Variants in DDIAS observed in about 807,000 individuals in gnomAD.
DDIAS encodes the protein DNA damage induced apoptosis suppressor.
A neutral mutation model predicts 15.7 loss-of-function variants in DDIAS; 14 were observed. That is an observed-to-expected ratio of 0.89 (90% confidence interval 0.59 to 1.39). The LOEUF (loss-of-function observed/expected upper bound fraction) is 1.39. Among genes scored for constraint, DDIAS ranks in the 40% most tolerant of loss-of-function variants. The pLI is 0.00. For missense variants in DDIAS, 1,035 were observed against 1,130.9 expected (o/e 0.92, Z 1.22); for synonymous variants, 355 against 395.9 (o/e 0.90, Z 1.23).
intron 5 of DDIAS, among the ~76,000 whole-genome samples, 169 bp from the exon 6 acceptor site, chr11:82,931,563 G>C (rs1457352436): frequency 3.3e-5 from 5 of 151,994 alleles, no homozygotes; most frequent in African/African-American, 1.2e-4. Context: ...TTACCATGTT[G>C]CCCAGTCTGG....
chr11:82,931,865 C>A lies in DDIAS; in HGVS notation c.527C>A (p.Thr176Asn). 6.2e-7 allele frequency: 1 copy of A among 1,614,232 alleles called. No individual in the cohort carries two copies. The highest frequency in any genetic ancestry group is 8.5e-7 in the Non-Finnish European group (1 of 1,180,040). The change falls in exon 6 of 6, where the codon ACT becomes AAT. Residue 176 changes from threonine (T) to asparagine (N), a missense_variant. Coordinates refer to ENST00000533655, the MANE Select transcript of DDIAS (RefSeq NM_145018.4). ...VLPDPGIAGF[T>N]VIDYFHQLLQ... is the part of the protein sequence containing the mutation. Reference sequence around the variant, plus strand: ...CCAGACCCAGGTATTGCAGGCTTTACTGTCATTGACTACTTCCATCAACTT... The same window carrying A: ...CCAGACCCAGGTATTGCAGGCTTTAATGTCATTGACTACTTCCATCAACTT...
In DDIAS at chr11:82,933,317, A is replaced by G. The variant is rs763165206; in HGVS notation, c.1979A>G (p.Asn660Ser). Residue 660 changes from asparagine to serine, a missense_variant, in exon 6 of 6, where the codon AAC (asparagine) becomes AGC (serine). Physicochemically the swap from Asn to Ser is conservative, Grantham distance 46. Transcript: ENST00000533655. ...ATGCCTTGGGGACATATCAATAACA[A>G]CGTAACACAGAGCTATTCTATTGGT... ...KEMPWGHINNNVTQSYSIGYE... is the reference protein window; with the variant it reads ...KEMPWGHINNSVTQSYSIGYE... The G allele has an allele frequency of 2.5e-6, 4 of 1,614,058 alleles. No individual in the cohort carries two copies. Among genetic ancestry groups the G allele is most frequent in the Admixed American group, 1.7e-5 (1 of 60,024 alleles).
intron 3 of DDIAS, among the ~76,000 whole-genome samples, chr11:82,920,815 A>C (rs778192723): frequency 2.6e-5 from 4 of 152,172 alleles, no homozygotes; most frequent in Non-Finnish European, 4.4e-5. Context: ...TCTTGGAGAA[A>C]GTTCCATGTG....
intron 1 of DDIAS, among the ~76,000 whole-genome samples, chr11:82,912,526 G>A (rs190754332): frequency 1.5e-3 from 228 of 152,230 alleles, no homozygotes; most frequent in Non-Finnish European, 2.7e-3. Flanking sequence ...TCATAGAATT[G>A]AAGAGCATTA....
At chr11:82,906,565 G>T (rs1039771093) in intron 1 of DDIAS, among the ~76,000 whole-genome samples, 1 of 152,056 alleles carries the variant, frequency 6.6e-6, no homozygotes, top group African/African-American at 2.4e-5. Flanking sequence ...CCCAGTGTAC[G>T]AGTCATGTTA....
chr11:82,913,985 G>GA, intron 2 of DDIAS: 1 of 429,332 alleles, frequency 2.3e-6, no homozygotes, highest in Non-Finnish European at 4.6e-6. Flanking sequence ...TGCCCAGGCT[G>GA]AAGTGCCATG....
chr11:82,910,606 CTTT>C (rs869173859), intron 1 of DDIAS, among the ~76,000 whole-genome samples: 26 of 89,120 alleles, frequency 2.9e-4, no homozygotes, highest in African/African-American at 1.3e-3. Context: ...CTCTCTCTCT[CTTT>C]TTTTTTTTTT....
intron 4 of DDIAS, 65 bp downstream of exon 4, chr11:82,929,003 G>A: frequency 1.3e-6 from 2 of 1,511,204 alleles, no homozygotes; most frequent in South Asian, 1.2e-5. Context: ...AAGTTTATAA[G>A]GCAATATGCA....
rs748434006 is a variant in DDIAS at position 82,932,095 on chromosome 11, A to G, written c.757A>G (p.Thr253Ala). ...LEFTCIVSQL[T>A]DNDDFSASEQ... is the part of the protein sequence containing the mutation. ...ATTCACTTGCATTGTTTCACAACTA[A>G]CAGATAATGATGATTTTTCAGCTTC... is the stretch of plus-strand genomic sequence containing the variant. Residue 253 changes from threonine (T) to alanine (A), a missense_variant, in exon 6 of 6, where the codon ACA (threonine) becomes GCA (alanine). Coordinates refer to ENST00000533655, the MANE Select transcript of DDIAS (RefSeq NM_145018.4). 51 of 1,614,064 alleles carry G rather than the reference A, an allele frequency of 3.2e-5. No individual in the cohort carries two copies. The highest frequency in any genetic ancestry group is 4.1e-5 in the Non-Finnish European group (48 of 1,180,032).
chr11:82,918,786 T>C (rs558707358), intron 3 of DDIAS, among the ~76,000 whole-genome samples: 17 of 152,324 alleles, frequency 1.1e-4, no homozygotes, highest in African/African-American at 4.1e-4. Flanking sequence ...GTCTTTTGCC[T>C]CCTTGGTTAG....
chr11:82,926,537 T>C (rs866100711), intron 3 of DDIAS, among the ~76,000 whole-genome samples: 2 of 152,214 alleles, frequency 1.3e-5, no homozygotes, highest in Middle Eastern at 3.2e-3. Context: ...ATTTTAGAAA[T>C]ATGGGTGCCT....
chr11:82,909,804 C>CA (rs1860491913), intron 1 of DDIAS, among the ~76,000 whole-genome samples: 1 of 152,116 alleles, frequency 6.6e-6, no homozygotes, highest in Non-Finnish European at 1.5e-5. Flanking sequence ...ACAAGGATAG[C>CA]AAAAAATTAG....
intron 1 of DDIAS, among the ~76,000 whole-genome samples, chr11:82,905,816 G>A (rs968964310): frequency 1.3e-5 from 2 of 152,072 alleles, no homozygotes; most frequent in Admixed American, 1.3e-4. Context: ...AAATATGTTC[G>A]CATATTAAAT....
At chr11:82,909,735 A>T (rs1332198133) in intron 1 of DDIAS, among the ~76,000 whole-genome samples, 1 of 152,200 alleles carries the variant, frequency 6.6e-6, no homozygotes, top group Admixed American at 6.5e-5. Context: ...TGACAACCAA[A>T]TCTAGGAATA....
At chr11:82,919,691 C>T (rs1860705211) in intron 3 of DDIAS, among the ~76,000 whole-genome samples, 1 of 152,146 alleles carries the variant, frequency 6.6e-6, no homozygotes, top group African/African-American at 2.4e-5. Flanking sequence ...CTTTGAATGT[C>T]TGGTAGAATT....
chr11:82,918,872 A>C (rs1860686311), intron 3 of DDIAS, among the ~76,000 whole-genome samples: 1 of 151,880 alleles, frequency 6.6e-6, no homozygotes, highest in Non-Finnish European at 1.5e-5. Context: ...AAAAGGAGTT[A>C]AATTCTTGAT....
intron 3 of DDIAS, among the ~76,000 whole-genome samples, chr11:82,923,027 G>A (rs1435059329): frequency 6.6e-6 from 1 of 152,214 alleles, no homozygotes; most frequent in East Asian, 1.9e-4. Flanking sequence ...TCTGCACAGA[G>A]TCCTGTGATG....
chr11:82,914,938 C>T (rs975084225), intron 3 of DDIAS, 87 bp downstream of exon 3: 4 of 839,026 alleles, frequency 4.8e-6, no homozygotes, highest in Admixed American at 3.0e-5. Context: ...ACCAGATTTA[C>T]CAAACAAGGA....
intron 1 of DDIAS, among the ~76,000 whole-genome samples, chr11:82,906,980 C>A (rs2121313905): frequency 6.6e-6 from 1 of 152,204 alleles, no homozygotes; most frequent in African/African-American, 2.4e-5. Flanking sequence ...GATAGTCCTT[C>A]TACGATCTTA....
Sources: allele counts gnomAD v4.1 joint callset (sites outside exome capture counted in the v4.1 genomes callset), GRCh38; gene constraint gnomAD v4.1.1; transcripts MANE v1.5; gene names NCBI Gene and HGNC (gene_info 2026-07-23, HGNC 2026-07-21).